The following CRADD variants were observed in gnomAD, a reference collection of about 807,000 sequenced individuals.
CRADD encodes the protein death domain-containing protein CRADD.
Under a neutral mutation model 15.5 loss-of-function variants are expected in CRADD, and 9 were observed. The ratio of observed to expected loss-of-function variants is 0.58; its 90% CI spans 0.35 to 1.01. CRADD has a LOEUF of 1.01. Ranked by LOEUF, CRADD falls within the 50% of genes least tolerant of loss-of-function variation. CRADD has a pLI of 0.02. For missense variants in CRADD, 227 were observed against 250.3 expected (o/e 0.91, Z 0.63); for synonymous variants, 118 against 107.6 (o/e 1.10, Z -0.60).
intron 2 of CRADD, among the ~76,000 whole-genome samples, chr12:93,745,384 G>T (rs1956734019): frequency 6.6e-6 from 1 of 152,170 alleles, no homozygotes; most frequent in African/African-American, 2.4e-5. Context: ...GCTTTTAGGG[G>T]AGTTTTATGA....
intron 2 of CRADD, among the ~76,000 whole-genome samples, chr12:93,760,670 G>A (rs1436475784): frequency 6.6e-6 from 1 of 151,922 alleles, no homozygotes. Context: ...TGTCTTCATT[G>A]GTTTGTTTGC....
In CRADD at chr12:93,758,295, T is replaced by C. The variant is rs539981183; in HGVS notation, c.298+79223T>C. ...CATGTTTAACAATGAGCATGAGAGT[T>C]TTCCCCATTGCTATTCTTACTATGT... On this transcript the variant is annotated intron_variant, in intron 2 of 2. Transcript: ENST00000332896. 1.4e-4 allele frequency among the ~76,000 whole-genome samples: 21 copies of C among 152,328 alleles called. No homozygotes were observed. In the South Asian group the frequency reaches 3.7e-3, roughly 27 times the overall value.
At chr12:93,823,327 A>G (rs933798028) in intron 2 of CRADD, among the ~76,000 whole-genome samples, 2 of 152,014 alleles carry the variant, frequency 1.3e-5, no homozygotes, top group African/African-American at 4.8e-5. Flanking sequence ...GAGGAAGAAG[A>G]ATATGCTAGC....
intron 2 of CRADD, among the ~76,000 whole-genome samples, chr12:93,885,700 C>T (rs1174880437): frequency 6.6e-6 from 1 of 152,130 alleles, no homozygotes; most frequent in Non-Finnish European, 1.5e-5. Context: ...ATTTGCCACC[C>T]TCTCGAGATG....
intron 2 of CRADD, among the ~76,000 whole-genome samples, chr12:93,840,834 A>C (rs1958038748): frequency 6.6e-6 from 1 of 151,924 alleles, no homozygotes; most frequent in African/African-American, 2.4e-5. Flanking sequence ...CCCAAAACTA[A>C]TTTCTTTTCT....
chr12:93,748,409 G>A (rs201718448), intron 2 of CRADD, among the ~76,000 whole-genome samples: 17 of 121,512 alleles, frequency 1.4e-4, no homozygotes, highest in African/African-American at 4.4e-4. Context: ...GGGTTCAGGC[G>A]ATTCCCCCCT....
At chr12:93,883,524 G>T (rs1321051542) in intron 2 of CRADD, among the ~76,000 whole-genome samples, 1 of 152,192 alleles carries the variant, frequency 6.6e-6, no homozygotes, top group Non-Finnish European at 1.5e-5. Flanking sequence ...CAAGGACTGA[G>T]AAAGGCTGAG....
At chr12:93,693,012 T>G (rs1035418728) in intron 2 of CRADD, among the ~76,000 whole-genome samples, 2 of 152,156 alleles carry the variant, frequency 1.3e-5, no homozygotes, top group Non-Finnish European at 2.9e-5. Flanking sequence ...ATTGAGTTGT[T>G]ATCAGCTTAA....
chr12:93,714,837 T>C (rs1195544192), intron 2 of CRADD: 2 of 152,180 alleles, frequency 1.3e-5, no homozygotes, highest in Non-Finnish European at 2.9e-5. Context: ...GGCAGAATTG[T>C]CTCATGGCCA....
intron 2 of CRADD, among the ~76,000 whole-genome samples, chr12:93,833,976 G>A (rs904475184): frequency 1.3e-5 from 2 of 152,110 alleles, no homozygotes; most frequent in Non-Finnish European, 2.9e-5. Context: ...GAGCAGAAAC[G>A]ACCATTATGG....
At chr12:93,831,036 T>C (rs1453447362) in intron 2 of CRADD, 1 of 152,232 alleles carries the variant, frequency 6.6e-6, no homozygotes, top group African/African-American at 2.4e-5. Flanking sequence ...AATAAAATTC[T>C]TCACTGAATT....
chr12:93,683,233 G>A (rs1217387527), intron 2 of CRADD, among the ~76,000 whole-genome samples: 1 of 152,036 alleles, frequency 6.6e-6, no homozygotes, highest in Non-Finnish European at 1.5e-5. Flanking sequence ...CGGTGGGAGT[G>A]ACTCCTGGGC....
intron 2 of CRADD, among the ~76,000 whole-genome samples, chr12:93,889,944 A>T (rs1432144656): frequency 1.3e-5 from 2 of 152,164 alleles, no homozygotes; most frequent in Non-Finnish European, 1.5e-5. Context: ...AATGGTTTTT[A>T]AAAAAAGACC....
chr12:93,786,077 G>A (rs1021772683), intron 2 of CRADD, among the ~76,000 whole-genome samples: 1 of 152,182 alleles, frequency 6.6e-6, no homozygotes, highest in Non-Finnish European at 1.5e-5. Flanking sequence ...ATGAAGACAC[G>A]AATGATGTAG....
chr12:93,736,235 T>A (rs755162377), intron 2 of CRADD, among the ~76,000 whole-genome samples: 1 of 152,212 alleles, frequency 6.6e-6, no homozygotes, highest in Non-Finnish European at 1.5e-5. Flanking sequence ...GAGCTAGATT[T>A]GTATTTATCA....
At chr12:93,860,954 C>G (rs114597150) in intron 2 of CRADD, among the ~76,000 whole-genome samples, 1 of 152,206 alleles carries the variant, frequency 6.6e-6, no homozygotes, top group East Asian at 1.9e-4. Context: ...CTCCTCCCCT[C>G]GGAGCGCCAG....
chr12:93,775,296 A>C (rs1326142321), intron 2 of CRADD, among the ~76,000 whole-genome samples: 3 of 152,214 alleles, frequency 2.0e-5, no homozygotes, highest in Admixed American at 1.3e-4. Context: ...ACAGACCCTT[A>C]GAATTTGTAG....
downstream of CRADD, among the ~76,000 whole-genome samples, chr12:93,853,918 G>A (rs1243400950): frequency 1.3e-5 from 2 of 152,258 alleles, no homozygotes; most frequent in East Asian, 1.9e-4. Flanking sequence ...TCTTTAGGTC[G>A]GTTTTGCCTT....
chr12:93,734,425 AT>A (rs1341857086), intron 2 of CRADD, among the ~76,000 whole-genome samples: 1 of 152,208 alleles, frequency 6.6e-6, no homozygotes, highest in East Asian at 1.9e-4. Context: ...AATAAAACCC[AT>A]TATTTTTTAT....
Sources: gnomAD v4.1 joint callset for allele counts (sites outside exome capture counted in the v4.1 genomes callset) on GRCh38, gnomAD v4.1.1 for gene constraint, MANE v1.5 for transcripts, NCBI Gene and HGNC (gene_info 2026-07-23, HGNC 2026-07-21) for gene names.